The following DYTN variants were observed in gnomAD, a reference collection of about 807,000 sequenced individuals.
The protein encoded by DYTN is dystrotelin.
In DYTN, 75 loss-of-function variants were observed where a neutral mutation model predicts 69.6. The observed-to-expected ratio is 1.08, with a 90% CI of 0.89 to 1.31. DYTN has a LOEUF of 1.31. Ranked by LOEUF, DYTN falls within the 50% of genes most tolerant of loss-of-function variation. The pLI, the probability that DYTN is intolerant of heterozygous loss-of-function variation, is 0.00. For synonymous variants in DYTN, 252 were observed against 249.1 expected (o/e 1.01, Z -0.11); for missense variants, 726 against 688.4 (o/e 1.05, Z -0.61).
chr2:206,675,679 C>T (rs1419529639), intron 9 of DYTN, among the ~76,000 whole-genome samples: 1 of 152,192 alleles, frequency 6.6e-6, no homozygotes, highest in East Asian at 1.9e-4. Flanking sequence ...AACCAAAATA[C>T]TAATAGGATT....
At chr2:206,653,166 G>C (rs1699407150) in intron 11 of DYTN, among the ~76,000 whole-genome samples, 1 of 152,012 alleles carries the variant, frequency 6.6e-6, no homozygotes, top group Admixed American at 6.6e-5. Flanking sequence ...CTTGTCCAGA[G>C]GCAAACTTAT....
intron 9 of DYTN, among the ~76,000 whole-genome samples, chr2:206,690,363 G>A (rs1294457192): frequency 6.6e-6 from 1 of 152,148 alleles, no homozygotes; most frequent in Non-Finnish European, 1.5e-5. Flanking sequence ...GGGGAACAGG[G>A]TTTATAGGGC....
chr2:206,657,400 C>T lies in DYTN; in HGVS notation c.1634-5479G>A, dbSNP rs147321798. On this transcript the variant is annotated intron_variant, in intron 11 of 11. Coordinates refer to ENST00000452335, the MANE Select transcript of DYTN (RefSeq NM_001093730.1). ...TTCAATCAGTTCCCTGACTCAGCCT[C>T]TCAAAGTGCTGGGATTACAGATGTG... Among the ~76,000 whole-genome samples, 12 of 152,298 alleles carry T rather than the reference C, an allele frequency of 7.9e-5. No individual in the cohort carries two copies. In the East Asian group the frequency reaches 1.7e-3, roughly 22 times the overall value.
In DYTN at chr2:206,694,711, AT is replaced by A. The variant is rs58202409; in HGVS notation, c.831+54del. On this transcript the variant is annotated intron_variant, in intron 8 of 11. Coordinates refer to ENST00000452335, the MANE Select transcript of DYTN (RefSeq NM_001093730.1). ...CTGGAGGGAAGGTTTTTTCATGGCTATAGCTTATACTGAATTGATTAATGAA... is the reference window on the plus strand; with the variant it reads ...CTGGAGGGAAGGTTTTTTCATGGCTAAGCTTATACTGAATTGATTAATGAA... 21,938 of 1,427,556 alleles carry A rather than the reference AT, an allele frequency of 0.015. 2,859 individuals carry two copies. In the African/African-American group the frequency reaches 0.28, roughly 18 times the overall value. 88.4% of individuals were successfully genotyped at this position (1,427,556 alleles called of 1,614,324 possible).
At chr2:206,710,658 C>A in intron 1 of DYTN, 60 bp from the exon 2 acceptor site, 1 of 1,320,576 alleles carries the variant, frequency 7.6e-7, no homozygotes, top group Non-Finnish European at 1.0e-6. Context: ...AATCCCACAT[C>A]ATGGAAGGAA....
intron 9 of DYTN, among the ~76,000 whole-genome samples, chr2:206,680,322 ACCTCCCACCAGGTC>A (rs1404005264): frequency 2.0e-5 from 3 of 152,004 alleles, no homozygotes; most frequent in Non-Finnish European, 2.9e-5. Flanking sequence ...TGATTCAATT[ACCTCCCACCAGGTC>A]CCTCCCACAA....
At chr2:206,717,366 G>A (rs1279879262) in intron 1 of DYTN, among the ~76,000 whole-genome samples, 1 of 152,174 alleles carries the variant, frequency 6.6e-6, no homozygotes, top group Non-Finnish European at 1.5e-5. Flanking sequence ...TCCTCACAGT[G>A]TGGTCCCAAG....
intron 10 of DYTN, among the ~76,000 whole-genome samples, chr2:206,664,211 G>A (rs1317095241): frequency 6.6e-6 from 1 of 152,138 alleles, no homozygotes; most frequent in Non-Finnish European, 1.5e-5. Context: ...CTTCTGATGT[G>A]TACTGAAATA....
intron 11 of DYTN, among the ~76,000 whole-genome samples, chr2:206,657,991 C>T (rs1450499473): frequency 3.3e-5 from 5 of 152,176 alleles, no homozygotes; most frequent in Admixed American, 2.0e-4. Context: ...TCCCATATTA[C>T]AAATATTGGT....
chr2:206,711,128 C>G (rs1669594510), intron 1 of DYTN, among the ~76,000 whole-genome samples: 2 of 152,200 alleles, frequency 1.3e-5, no homozygotes, highest in African/African-American at 4.8e-5. Flanking sequence ...TAGTACCAAC[C>G]ACCAAACTGT....
At chr2:206,653,077 A>AT (rs1465777527) in intron 11 of DYTN, among the ~76,000 whole-genome samples, 2 of 152,124 alleles carry the variant, frequency 1.3e-5, no homozygotes, top group Non-Finnish European at 2.9e-5. Flanking sequence ...GGGTTCATGC[A>AT]TTTTTTATCC....
intron 2 of DYTN, among the ~76,000 whole-genome samples, chr2:206,708,472 T>C (rs1700048437): frequency 6.6e-6 from 1 of 152,208 alleles, no homozygotes; most frequent in African/African-American, 2.4e-5. Context: ...TTCTCTGATA[T>C]TGCTTTTAAG....
chr2:206,666,857 C>G (rs1699577752), intron 9 of DYTN, among the ~76,000 whole-genome samples: 2 of 114,656 alleles, frequency 1.7e-5, no homozygotes, highest in Non-Finnish European at 3.5e-5. Flanking sequence ...AAGACCTCAT[C>G]TCTACACACA....
chr2:206,658,862 T>C (rs1699476064), intron 11 of DYTN, among the ~76,000 whole-genome samples: 2 of 152,000 alleles, frequency 1.3e-5, no homozygotes, highest in East Asian at 1.9e-4. Context: ...AAACCTATAG[T>C]GGCAAATGAA....
Position 206,651,757 on chromosome 2 carries a change from A to G in DYTN, c.*61T>C. On this transcript the variant is annotated 3_prime_UTR_variant, in exon 12 of 12. Transcript: ENST00000452335. ...AAAGGTAGAAGTCTTAATTCTTTTAATACAGTTGTGCAACTGCATTTTGTC... is the reference window on the plus strand; with the variant it reads ...AAAGGTAGAAGTCTTAATTCTTTTAGTACAGTTGTGCAACTGCATTTTGTC... 6.9e-7 allele frequency: 1 copy of G among 1,444,592 alleles called. No individual in the cohort carries two copies. Among genetic ancestry groups the G allele is most frequent in the Non-Finnish European group, 9.7e-7 (1 of 1,032,296 alleles). The allele number at this position is 1,444,592 out of a possible 1,614,324, so 89.5% of individuals were successfully genotyped here. A position where few individuals can be genotyped will look rare whatever the true frequency, so the allele number is the denominator to read the frequency against.
In DYTN at chr2:206,688,385, C is replaced by T. The variant is rs549444147; in HGVS notation, c.980+4790G>A. Among the ~76,000 whole-genome samples, 15 of 152,196 alleles carry T rather than the reference C, an allele frequency of 9.9e-5. No individual in the cohort carries two copies. In the East Asian group the frequency reaches 1.5e-3, roughly 16 times the overall value. On this transcript the variant is annotated intron_variant, in intron 9 of 11. Coordinates refer to ENST00000452335, the MANE Select transcript of DYTN (RefSeq NM_001093730.1). ...GGGAACACTAGACAGCAATTCAGTA[C>T]CGTGCTTTGGGGCCATTTGCCAAAG...
chr2:206,654,537 G>A (rs899787485), intron 11 of DYTN, among the ~76,000 whole-genome samples: 4 of 152,020 alleles, frequency 2.6e-5, no homozygotes, highest in African/African-American at 7.3e-5. Flanking sequence ...TACTGGTAAG[G>A]CTTCTGTTCA....
chr2:206,667,697 C>CGTGCGT (rs1553572215), intron 9 of DYTN, among the ~76,000 whole-genome samples: 1 of 144,038 alleles, frequency 6.9e-6, no homozygotes, highest in South Asian at 2.3e-4. Flanking sequence ...TTTGCGTGTG[C>CGTGCGT]GTGTGTGTGT....
chr2:206,665,716 T>C (rs889876199), intron 10 of DYTN, among the ~76,000 whole-genome samples, 154 bp downstream of exon 10: 7 of 152,164 alleles, frequency 4.6e-5, no homozygotes, highest in Non-Finnish European at 1.0e-4. Flanking sequence ...GGATAGGATA[T>C]AGCCTGGATG....
Sources: allele counts gnomAD v4.1 joint callset (sites outside exome capture counted in the v4.1 genomes callset), GRCh38; gene constraint gnomAD v4.1.1; transcripts MANE v1.5; gene names NCBI Gene and HGNC (gene_info 2026-07-23, HGNC 2026-07-21).